CTNND2: variants seen among roughly 807,000 people sequenced by gnomAD.
CTNND2 encodes the protein catenin delta 2.
In CTNND2, 22 loss-of-function variants were observed where a neutral mutation model predicts 144.4. The observed-to-expected ratio is 0.15, with a 90% CI of 0.11 to 0.22. The LOEUF (loss-of-function observed/expected upper bound fraction) is 0.22. Among genes scored for constraint, CTNND2 ranks in the 10% least tolerant of loss-of-function variants. The probability of loss-of-function intolerance (pLI) is 1.00; values close to 1 mark genes in which losing one functional copy is unlikely to be tolerated. For synonymous variants in CTNND2, 751 were observed against 695.6 expected (o/e 1.08, Z -1.25); for missense variants, 1,353 against 1,618.8 (o/e 0.84, Z 2.82).
chr5:11,441,900 T>C (rs1406113342), intron 3 of CTNND2, among the ~76,000 whole-genome samples: 1 of 152,206 alleles, frequency 6.6e-6, no homozygotes, highest in African/African-American at 2.4e-5. Context: ...ACTTACGCTT[T>C]TTTCCATCTG....
At chr5:11,795,228 A>T (rs1325411539) in intron 1 of CTNND2, among the ~76,000 whole-genome samples, 2 of 152,140 alleles carry the variant, frequency 1.3e-5, no homozygotes, top group African/African-American at 4.8e-5. Flanking sequence ...AATGCCAAGA[A>T]TGTCTTTATT....
intron 7 of CTNND2, among the ~76,000 whole-genome samples, chr5:11,372,861 G>A (rs879810074): frequency 1.3e-5 from 2 of 152,198 alleles, no homozygotes; most frequent in African/African-American, 2.4e-5. Flanking sequence ...TATTTGTCTA[G>A]CTATGAATAC....
intron 3 of CTNND2, among the ~76,000 whole-genome samples, chr5:11,543,047 G>C (rs565272805): frequency 6.6e-6 from 1 of 152,184 alleles, no homozygotes; most frequent in African/African-American, 2.4e-5. Context: ...AACAACAAAC[G>C]AGAGTACTGC....
chr5:11,849,859 C>T (rs1423567842), intron 1 of CTNND2, among the ~76,000 whole-genome samples: 1 of 152,060 alleles, frequency 6.6e-6, no homozygotes, highest in African/African-American at 2.4e-5. Flanking sequence ...GGCCAGGAAC[C>T]CAGAATGGCT....
At chr5:11,091,482 G>A (rs1750769432) in intron 15 of CTNND2, among the ~76,000 whole-genome samples, 1 of 152,132 alleles carries the variant, frequency 6.6e-6, no homozygotes, top group Non-Finnish European at 1.5e-5. Flanking sequence ...ATTATGGATT[G>A]CATTTTCTAT....
chr5:11,485,252 T>C (rs1318558366), intron 3 of CTNND2, among the ~76,000 whole-genome samples: 1 of 152,116 alleles, frequency 6.6e-6, no homozygotes, highest in Non-Finnish European at 1.5e-5. Context: ...AAGGAAAACA[T>C]TTTATGCAAT....
rs113441797 is a variant in CTNND2 at position 11,789,281 on chromosome 5, G to C, written c.38-57009C>G. On this transcript the variant is annotated intron_variant, in intron 1 of 21. Coordinates refer to ENST00000304623, the MANE Select transcript of CTNND2 (RefSeq NM_001332.4). ...ATGTGACTTTCTGAATCAATTTTTT[G>C]CCACTCCTGAAAAATCTTCTTTGGA... Among the ~76,000 whole-genome samples the C allele has an allele frequency of 7.3e-3, 1,112 of 152,062 alleles. 6 individuals carry two copies. The highest frequency in any genetic ancestry group is 0.013 in the Non-Finnish European group (872 of 67,966).
At chr5:11,264,406 T>G (rs115379446) in intron 9 of CTNND2, among the ~76,000 whole-genome samples, 2,220 of 152,224 alleles carry the variant, frequency 0.015, 59 homozygotes, top group African/African-American at 0.051. Flanking sequence ...ATTTGGCCCA[T>G]GGGATACAGT....
At chr5:11,248,501 CAT>C (rs1315005466) in intron 9 of CTNND2, among the ~76,000 whole-genome samples, 4 of 152,070 alleles carry the variant, frequency 2.6e-5, no homozygotes, top group Non-Finnish European at 4.4e-5. Context: ...ATATAATATA[CAT>C]GTTACAGGAA....
At chr5:11,205,867 T>G (rs1032814041) in intron 10 of CTNND2, among the ~76,000 whole-genome samples, 1 of 152,208 alleles carries the variant, frequency 6.6e-6, no homozygotes, top group Admixed American at 6.5e-5. Flanking sequence ...CACATTGCAG[T>G]GACTGGAGGT....
intron 8 of CTNND2, among the ~76,000 whole-genome samples, chr5:11,357,580 C>T (rs942592073): frequency 1.3e-5 from 2 of 151,890 alleles, no homozygotes; most frequent in African/African-American, 2.4e-5. Context: ...TACAAAGTTA[C>T]GATGAGATAG....
chr5:11,411,228 G>A (rs1040838445), intron 5 of CTNND2, among the ~76,000 whole-genome samples: 20 of 152,192 alleles, frequency 1.3e-4, no homozygotes, highest in African/African-American at 4.8e-4. Flanking sequence ...TATATGATGA[G>A]TTCATAAAAT....
chr5:11,823,935 G>A (rs879930770), intron 1 of CTNND2, among the ~76,000 whole-genome samples: 61 of 151,566 alleles, frequency 4.0e-4, no homozygotes, highest in African/African-American at 1.4e-3. Context: ...TGGTGAAACC[G>A]TGTCTCTACT....
chr5:11,894,113 A>T (rs1306119751), intron 1 of CTNND2, among the ~76,000 whole-genome samples: 1 of 152,140 alleles, frequency 6.6e-6, no homozygotes, highest in African/African-American at 2.4e-5. Flanking sequence ...TATTTAAGGA[A>T]ATATCTCAAA....
At chr5:11,140,795 TTTAAG>T (rs1323356120) in intron 12 of CTNND2, among the ~76,000 whole-genome samples, 3 of 152,194 alleles carry the variant, frequency 2.0e-5, no homozygotes, top group African/African-American at 7.2e-5. Flanking sequence ...TGTACACGTA[TTTAAG>T]TTGTTATATT....
intron 1 of CTNND2, among the ~76,000 whole-genome samples, chr5:11,749,618 A>G (rs1209025018): frequency 6.6e-6 from 1 of 152,054 alleles, no homozygotes; most frequent in Non-Finnish European, 1.5e-5. Flanking sequence ...ATGATTTCAC[A>G]GTACATTCTG....
chr5:11,205,135 T>C (rs1253615449), intron 10 of CTNND2, among the ~76,000 whole-genome samples: 3 of 152,168 alleles, frequency 2.0e-5, no homozygotes, highest in African/African-American at 7.2e-5. Flanking sequence ...TGCCTGAGAC[T>C]CAAAGTAAAT....
intron 6 of CTNND2, chr5:11,385,853 G>C (rs541979328): frequency 1.1e-5 from 1 of 92,852 alleles, no homozygotes; most frequent in South Asian, 4.7e-4. Flanking sequence ...AATTCGCTTC[G>C]TCTTTTCAGC....
intron 3 of CTNND2, among the ~76,000 whole-genome samples, chr5:11,514,636 T>C (rs1771996582): frequency 6.6e-6 from 1 of 152,224 alleles, no homozygotes; most frequent in Non-Finnish European, 1.5e-5. Flanking sequence ...AAAGCAATGC[T>C]GCATGAATGT....
Sources: gnomAD v4.1 joint callset for allele counts (sites outside exome capture counted in the v4.1 genomes callset) on GRCh38, gnomAD v4.1.1 for gene constraint, MANE v1.5 for transcripts, NCBI Gene and HGNC (gene_info 2026-07-23, HGNC 2026-07-21) for gene names.